The following METTL24 variants were observed in gnomAD, a reference collection of about 807,000 sequenced individuals.
METTL24 encodes the protein methyltransferase like 24.
Under a neutral mutation model 32.7 loss-of-function variants are expected in METTL24, and 29 were observed. That is an observed-to-expected ratio of 0.89 (90% CI 0.66 to 1.21). The LOEUF (loss-of-function observed/expected upper bound fraction) is 1.21. Among genes scored for constraint, METTL24 ranks in the 50% most tolerant of loss-of-function variants. The pLI is 0.00. For missense variants in METTL24, 439 were observed against 468.1 expected (o/e 0.94, Z 0.57); for synonymous variants, 163 against 179.5 (o/e 0.91, Z 0.73).
At chr6:110,276,989 A>G (rs945284959) in intron 4 of METTL24, among the ~76,000 whole-genome samples, 1 of 152,164 alleles carries the variant, frequency 6.6e-6, no homozygotes, top group Non-Finnish European at 1.5e-5. Flanking sequence ...GGCACTTGGC[A>G]CTCACACAAG....
intron 4 of METTL24, among the ~76,000 whole-genome samples, chr6:110,279,943 G>T (rs1272029331): frequency 1.3e-5 from 2 of 152,138 alleles, no homozygotes; most frequent in East Asian, 1.9e-4. Flanking sequence ...TAAGGCCTCA[G>T]GAAACTTACA....
At chr6:110,342,624 CT>C (rs1772381827) in intron 1 of METTL24, among the ~76,000 whole-genome samples, 1 of 152,160 alleles carries the variant, frequency 6.6e-6, no homozygotes, top group African/African-American at 2.4e-5. Flanking sequence ...ATATATACAG[CT>C]TGTGCAACTG....
chr6:110,335,752 A>G (rs2114766323), intron 1 of METTL24, among the ~76,000 whole-genome samples: 1 of 152,256 alleles, frequency 6.6e-6, no homozygotes, highest in African/African-American at 2.4e-5. Flanking sequence ...AGAGACCTTA[A>G]TAATAATCAA....
intron 3 of METTL24, among the ~76,000 whole-genome samples, chr6:110,299,956 CT>C (rs1771490940): frequency 6.6e-6 from 1 of 152,112 alleles, no homozygotes; most frequent in African/African-American, 2.4e-5. Flanking sequence ...TGCCCCAATA[CT>C]GTACTCATAT....
intron 4 of METTL24, among the ~76,000 whole-genome samples, chr6:110,297,641 T>C (rs941856769): frequency 2.0e-5 from 3 of 151,958 alleles, no homozygotes; most frequent in African/African-American, 7.2e-5. Context: ...AGGTAACGAG[T>C]GGCAAAAAAG....
At chr6:110,276,852 AC>A (rs1245003047) in intron 4 of METTL24, among the ~76,000 whole-genome samples, 5 of 152,186 alleles carry the variant, frequency 3.3e-5, no homozygotes, top group Admixed American at 6.5e-5. Context: ...AAACAAAAAA[AC>A]ACCATTATAA....
In METTL24 at chr6:110,262,856, C is replaced by G. The variant is rs536993960; in HGVS notation, c.787-16596G>C. 2.0e-4 allele frequency among the ~76,000 whole-genome samples: 31 copies of G among 152,254 alleles called. No homozygotes were observed. In the East Asian group the frequency reaches 5.8e-3, roughly 28 times the overall value. ...ACGTAATCCAGCATGTAAACAGAAC[C>G]AACGACAAAAACCACATGATTATCT... On this transcript the variant is annotated intron_variant, in intron 4 of 4. Coordinates refer to ENST00000338882, the MANE Select transcript of METTL24 (RefSeq NM_001123364.3).
chr6:110,270,551 T>C (rs1220647301), intron 4 of METTL24, among the ~76,000 whole-genome samples: 1 of 152,110 alleles, frequency 6.6e-6, no homozygotes, highest in African/African-American at 2.4e-5. Context: ...AGGCAGACAT[T>C]TTTCAGGCGC....
chr6:110,318,651 C>CAAAAAAAAAAAAAA (rs56890760), intron 2 of METTL24, among the ~76,000 whole-genome samples: 1 of 90,560 alleles, frequency 1.1e-5, no homozygotes, highest in African/African-American at 3.5e-5. Context: ...GACTCTACCT[C>CAAAAAAAAAAAAAA]AAAAAAAAAA....
intron 3 of METTL24, among the ~76,000 whole-genome samples, chr6:110,311,618 C>T (rs571869322): frequency 3.3e-5 from 5 of 151,688 alleles, no homozygotes; most frequent in African/African-American, 4.8e-5. Flanking sequence ...GAACAAGAGG[C>T]GTGCACCACC....
chr6:110,312,231 A>AACTT (rs1278992008), intron 3 of METTL24, among the ~76,000 whole-genome samples: 1 of 152,234 alleles, frequency 6.6e-6, no homozygotes, highest in African/African-American at 2.4e-5. Context: ...GAGAAAAGGG[A>AACTT]ACTTTTACAC....
At chr6:110,265,125 AAAGGAAAGAAAGAAAGAAAG>A (rs1340058639) in intron 4 of METTL24, among the ~76,000 whole-genome samples, 71 of 142,750 alleles carry the variant, frequency 5.0e-4, no homozygotes, top group African/African-American at 1.7e-3. Flanking sequence ...GTATAATAAA[AAAGGAAAGAAAGAAAGAAAG>A]AAAGAAAGAA....
chr6:110,356,461 GAAAAGAAAAGAAAAGA>G (rs1156933841), intron 1 of METTL24, among the ~76,000 whole-genome samples: 2 of 146,062 alleles, frequency 1.4e-5, no homozygotes, highest in African/African-American at 2.7e-5. Flanking sequence ...AAAAGAAAAA[GAAAAGAAAAGAAAAGA>G]AAAAGAAAAG....
chr6:110,322,856 A>G lies in METTL24; in HGVS notation c.335T>C (p.Ile112Thr). 6.2e-7 allele frequency: 1 copy of G among 1,613,712 alleles called. No individual in the cohort carries two copies. The highest frequency in any genetic ancestry group is 8.5e-7 in the Non-Finnish European group (1 of 1,179,848). Residue 112 changes from isoleucine (I) to threonine (T), a missense_variant, in exon 2 of 5, where the codon ATA (isoleucine) becomes ACA (threonine). Physicochemically the swap from Ile to Thr is moderately conservative, Grantham distance 89. Coordinates refer to ENST00000338882, the MANE Select transcript of METTL24 (RefSeq NM_001123364.3). ...AGAGCCTGCCCAAGGCTGGAGATCT[A>G]TATGCCACCGGGGACCCTGCAAGAG... The part of the protein sequence containing the change: ...RPRRKGPRWH[I>T]DLQPWAGSAQ...
At chr6:110,331,278 G>A (rs968612545) in intron 1 of METTL24, among the ~76,000 whole-genome samples, 4 of 151,948 alleles carry the variant, frequency 2.6e-5, no homozygotes, top group Admixed American at 2.0e-4. Context: ...GGGGACCTGT[G>A]CAGCAATACC....
intron 4 of METTL24, among the ~76,000 whole-genome samples, chr6:110,275,670 T>C (rs867795988): frequency 2.6e-5 from 4 of 152,306 alleles, no homozygotes; most frequent in South Asian, 4.1e-4. Flanking sequence ...TTGGTTGAGT[T>C]CCTGACTGAC....
intron 3 of METTL24, among the ~76,000 whole-genome samples, chr6:110,312,590 T>A (rs1472567505): frequency 6.6e-6 from 1 of 152,128 alleles, no homozygotes; most frequent in African/African-American, 2.4e-5. Context: ...AGGAAACAAA[T>A]CAGACACAGA....
At chr6:110,299,246 T>G (rs1771479091) in intron 3 of METTL24, 96 bp from the exon 4 acceptor site, 2 of 1,063,658 alleles carry the variant, frequency 1.9e-6, no homozygotes, top group South Asian at 2.7e-5. Flanking sequence ...GGTTCTTAGT[T>G]ATATCAAGCC....
chr6:110,265,451 A>G (rs1770839495), intron 4 of METTL24, among the ~76,000 whole-genome samples: 2 of 152,140 alleles, frequency 1.3e-5, no homozygotes, highest in African/African-American at 4.8e-5. Context: ...TTCTTCAACA[A>G]CAAAACCCTG....
Sources: allele counts gnomAD v4.1 joint callset (sites outside exome capture counted in the v4.1 genomes callset), GRCh38; gene constraint gnomAD v4.1.1; transcripts MANE v1.5; gene names NCBI Gene and HGNC (gene_info 2026-07-23, HGNC 2026-07-21).